MALRD1: variants seen among roughly 807,000 people sequenced by gnomAD.
The protein encoded by MALRD1 is MAM and LDL-receptor class A domain-containing protein 1.
A neutral mutation model predicts 242.1 loss-of-function variants in MALRD1; 247 were observed. That is an observed-to-expected ratio of 1.02 (90% confidence interval 0.92 to 1.13). The LOEUF (loss-of-function observed/expected upper bound fraction) is 1.13, where lower values mean the gene tolerates loss of function less well. MALRD1 is among the 50% of genes most tolerant of loss of function. The pLI is 0.00. For missense variants in MALRD1, 2,989 were observed against 2,533.1 expected (o/e 1.18, Z -3.86); for synonymous variants, 995 against 866.6 (o/e 1.15, Z -2.60).
chr10:19,105,082 A>C (rs979858599), intron 5 of MALRD1, among the ~76,000 whole-genome samples: 3 of 151,986 alleles, frequency 2.0e-5, no homozygotes, highest in African/African-American at 7.2e-5. Flanking sequence ...ATCGTTAACT[A>C]TACTGTGTAA....
intron 36 of MALRD1, among the ~76,000 whole-genome samples, chr10:19,663,629 A>T (rs1841542248): frequency 6.6e-6 from 1 of 152,074 alleles, no homozygotes; most frequent in Non-Finnish European, 1.5e-5. Flanking sequence ...TTGTCAGAAG[A>T]TAGAGCAGAA....
At chr10:19,301,429 C>A (rs930178301) in intron 21 of MALRD1, among the ~76,000 whole-genome samples, 1 of 151,746 alleles carries the variant, frequency 6.6e-6, no homozygotes. Context: ...TTCATGGCAG[C>A]GCTGTTCACA....
chr10:19,236,422 C>T (rs1014567369), intron 18 of MALRD1, among the ~76,000 whole-genome samples: 2 of 152,224 alleles, frequency 1.3e-5, no homozygotes, highest in East Asian at 1.9e-4. Context: ...AAAATAAAGC[C>T]CTTTCCTCCT....
chr10:19,070,540 A>T (rs1224955066), intron 2 of MALRD1, among the ~76,000 whole-genome samples: 2 of 152,100 alleles, frequency 1.3e-5, no homozygotes, highest in African/African-American at 2.4e-5. Context: ...AGGTTGTTTT[A>T]GTTTAAAAAA....
At position 19,132,900 on chromosome 10, in the gene MALRD1, C is replaced by T. The variant is rs143546949; in HGVS notation, c.1111-956C>T. The stretch of plus-strand genomic sequence containing the variant: ...TCATAAAGACCAATGCCATACATGC[C>T]GTAGACAAAATTTTGAGTACCTTAT... On this transcript the variant is annotated intron_variant, in intron 8 of 39. Transcript: ENST00000454679. Among the ~76,000 whole-genome samples, 251 of 151,960 alleles carry T rather than the reference C, an allele frequency of 1.7e-3. 2 individuals are homozygous for T. The East Asian group carries it at 0.019, about 12-fold the overall frequency.
At chr10:19,229,730 C>G (rs1309206804) in intron 18 of MALRD1, among the ~76,000 whole-genome samples, 2 of 152,130 alleles carry the variant, frequency 1.3e-5, no homozygotes, top group African/African-American at 2.4e-5. Flanking sequence ...TCTGTGGTCA[C>G]CAATGCATTG....
chr10:19,076,683 G>T (rs1005983227), intron 2 of MALRD1, among the ~76,000 whole-genome samples: 1 of 151,934 alleles, frequency 6.6e-6, no homozygotes, highest in African/African-American at 2.4e-5. Context: ...CTTGATTACT[G>T]CAGCCTTGTA....
chr10:19,590,405 A>T lies in MALRD1; in HGVS notation c.5681-4789A>T, dbSNP rs540652946. Reference sequence around the variant, plus strand: ...TTTATATATGTATATATTTTATATAACATATATAGGTGGTTAGATATCTAT... The same window carrying T: ...TTTATATATGTATATATTTTATATATCATATATAGGTGGTTAGATATCTAT... On this transcript the variant is annotated intron_variant, in intron 33 of 39. Coordinates refer to ENST00000454679, the MANE Select transcript of MALRD1 (RefSeq NM_001142308.3). Among the ~76,000 whole-genome samples, 14 of 148,840 alleles carry T rather than the reference A, an allele frequency of 9.4e-5. No homozygotes were observed. In the South Asian group the frequency reaches 2.7e-3, roughly 29 times the overall value.
At chr10:19,075,155 ATC>A (rs1313250018) in intron 2 of MALRD1, among the ~76,000 whole-genome samples, 3 of 152,088 alleles carry the variant, frequency 2.0e-5, no homozygotes, top group African/African-American at 7.2e-5. Context: ...ACAGATTTTG[ATC>A]AATACCGTGG....
intron 18 of MALRD1, among the ~76,000 whole-genome samples, chr10:19,253,293 T>C (rs1839373912): frequency 6.6e-6 from 1 of 152,014 alleles, no homozygotes; most frequent in Non-Finnish European, 1.5e-5. Context: ...TATATGCTGG[T>C]TATAAAATGC....
chr10:19,207,467 C>T (rs1280219115), intron 17 of MALRD1, among the ~76,000 whole-genome samples: 1 of 151,970 alleles, frequency 6.6e-6, no homozygotes, highest in African/African-American at 2.4e-5. Flanking sequence ...TATGTTTTTT[C>T]CTATACATAC....
At chr10:19,464,548 C>A (rs868813695) in intron 29 of MALRD1, among the ~76,000 whole-genome samples, 1 of 152,064 alleles carries the variant, frequency 6.6e-6, no homozygotes, top group Non-Finnish European at 1.5e-5. Context: ...TATTGGTTCT[C>A]TATTCTGTTC....
At chr10:19,577,223 G>T (rs1253643798) in intron 33 of MALRD1, among the ~76,000 whole-genome samples, 1 of 152,090 alleles carries the variant, frequency 6.6e-6, no homozygotes, top group Non-Finnish European at 1.5e-5. Flanking sequence ...GAAAGGAAAT[G>T]ATTATCAGGC....
chr10:19,465,935 T>A (rs1836198278), intron 29 of MALRD1, among the ~76,000 whole-genome samples: 1 of 152,202 alleles, frequency 6.6e-6, no homozygotes, highest in Non-Finnish European at 1.5e-5. Flanking sequence ...TCAATTTAGG[T>A]GAAATAATTT....
At chr10:19,556,204 C>A (rs1245804662) in intron 32 of MALRD1, among the ~76,000 whole-genome samples, 4 of 152,088 alleles carry the variant, frequency 2.6e-5, no homozygotes, top group South Asian at 4.1e-4. Context: ...TCTCAACTTA[C>A]CCTTGTCCTA....
intron 14 of MALRD1, among the ~76,000 whole-genome samples, chr10:19,190,987 C>T (rs570892776): frequency 2.0e-4 from 30 of 152,122 alleles, no homozygotes; most frequent in African/African-American, 7.0e-4. Context: ...TTTTTTGCAT[C>T]CTAAAACACT....
Position 19,209,822 on chromosome 10 carries a change from G to A in MALRD1, c.2991+142G>A, listed in dbSNP as rs187926123. 5.1e-4 allele frequency: 428 copies of A among 843,128 alleles called. 1 individual carries two copies. The highest frequency in any genetic ancestry group is 6.8e-4 in the Non-Finnish European group (385 of 564,796). The allele number at this position is 843,128 out of a possible 1,614,324, so 52.2% of individuals were successfully genotyped here. On this transcript the variant is annotated intron_variant, in intron 18 of 39. Coordinates refer to ENST00000454679, the MANE Select transcript of MALRD1 (RefSeq NM_001142308.3). ...AGACACATTTATCATTTATTTGAGGGTGTATCAAAGCTCTTTACATTGTTT... is the reference window on the plus strand; with the variant it reads ...AGACACATTTATCATTTATTTGAGGATGTATCAAAGCTCTTTACATTGTTT...
intron 26 of MALRD1, among the ~76,000 whole-genome samples, chr10:19,383,006 C>T (rs1258618642): frequency 3.9e-5 from 6 of 152,090 alleles, no homozygotes; most frequent in Admixed American, 2.6e-4. Context: ...GGGAACACCA[C>T]TACAGATACC....
At chr10:19,551,343 G>C (rs976899794) in intron 32 of MALRD1, among the ~76,000 whole-genome samples, 4 of 152,032 alleles carry the variant, frequency 2.6e-5, no homozygotes, top group African/African-American at 9.7e-5. Context: ...TGTATTCCTA[G>C]ATATTTTATT....
Sources: gnomAD v4.1 joint callset for allele counts (sites outside exome capture counted in the v4.1 genomes callset) on GRCh38, gnomAD v4.1.1 for gene constraint, MANE v1.5 for transcripts, NCBI Gene and HGNC (gene_info 2026-07-23, HGNC 2026-07-21) for gene names.